RBM47: variants seen among roughly 807,000 people sequenced by gnomAD.
The protein encoded by RBM47 is RNA binding motif protein 47.
Under a neutral mutation model 47.1 loss-of-function variants are expected in RBM47, and 21 were observed. The observed-to-expected ratio is 0.45, with a 90% CI of 0.32 to 0.64. The LOEUF (loss-of-function observed/expected upper bound fraction) is 0.64. Ranked by LOEUF, RBM47 falls within the 30% of genes least tolerant of loss-of-function variation. RBM47 has a pLI of 0.05. For synonymous variants in RBM47, 375 were observed against 361.7 expected (o/e 1.04, Z -0.42); for missense variants, 708 against 870.9 (o/e 0.81, Z 2.35).
chr4:40,626,363 T>G (rs146434382), intron 1 of RBM47, among the ~76,000 whole-genome samples: 74 of 152,340 alleles, frequency 4.9e-4, no homozygotes, highest in African/African-American at 1.7e-3. Context: ...GATGATATCT[T>G]GAATTCATTC....
chr4:40,589,426 AT>A (rs1488354441), intron 1 of RBM47, among the ~76,000 whole-genome samples: 3 of 152,006 alleles, frequency 2.0e-5, no homozygotes, highest in South Asian at 4.1e-4. Flanking sequence ...TTATTTACTT[AT>A]TTTTTATTTT....
At chr4:40,472,630 A>G (rs1029306761) in intron 2 of RBM47, among the ~76,000 whole-genome samples, 4 of 152,140 alleles carry the variant, frequency 2.6e-5, no homozygotes, top group African/African-American at 9.7e-5. Context: ...ACTAAAATGA[A>G]AAAAATGGAA....
Position 40,438,120 on chromosome 4 carries a change from G to T in RBM47, c.774C>A (p.Thr258=). 6.2e-7 allele frequency: 1 copy of T among 1,613,414 alleles called. No individual in the cohort carries two copies. The highest frequency in any genetic ancestry group is 8.5e-7 in the Non-Finnish European group (1 of 1,180,020). The change falls in exon 4 of 7, where the codon ACC becomes ACA. Residue 258 remains threonine, a synonymous_variant. Coordinates refer to ENST00000295971, the MANE Select transcript of RBM47 (RefSeq NM_001098634.2). ...LYVRNLMIET[T]EDTIKKSFGQ... ...CGAAGCTCTTCTTGATGGTGTCCTC[G>T]GTGGTCTCGATCATGAGGTTGCGCA...
chr4:40,448,555 A>G (rs551055965), intron 3 of RBM47, among the ~76,000 whole-genome samples: 2 of 152,312 alleles, frequency 1.3e-5, no homozygotes, highest in Admixed American at 1.3e-4. Flanking sequence ...TCACGTCTTA[A>G]GCATGACCTA....
intron 3 of RBM47, among the ~76,000 whole-genome samples, chr4:40,449,403 C>A (rs1715061048): frequency 6.6e-6 from 1 of 152,192 alleles, no homozygotes; most frequent in Non-Finnish European, 1.5e-5. Flanking sequence ...CATAATGGGT[C>A]TTAATTGTGT....
At chr4:40,592,415 CT>C (rs1230299861) in intron 1 of RBM47, among the ~76,000 whole-genome samples, 23 of 136,884 alleles carry the variant, frequency 1.7e-4, no homozygotes, top group East Asian at 4.2e-4. Flanking sequence ...CTGGCTTAAT[CT>C]TTTTTTTTTC....
At chr4:40,511,544 G>A (rs1724930762) in intron 2 of RBM47, among the ~76,000 whole-genome samples, 1 of 152,144 alleles carries the variant, frequency 6.6e-6, no homozygotes, top group Non-Finnish European at 1.5e-5. Context: ...AGTTATTCAG[G>A]ACTTAATGTG....
upstream of RBM47, chr4:40,630,431 G>A (rs1039138068): frequency 6.6e-6 from 1 of 152,122 alleles, no homozygotes; most frequent in Non-Finnish European, 1.5e-5. Flanking sequence ...CCCGGGGAGA[G>A]CTCCCGGGGC....
intron 2 of RBM47, among the ~76,000 whole-genome samples, chr4:40,526,789 C>CTTTTTTT (rs540484622): frequency 1.6e-5 from 1 of 61,592 alleles, no homozygotes; most frequent in African/African-American, 6.7e-5. Context: ...CAGTTTGGTT[C>CTTTTTTT]TTTTTTTTTT....
At chr4:40,463,505 T>C (rs1717479906) in intron 3 of RBM47, among the ~76,000 whole-genome samples, 1 of 152,160 alleles carries the variant, frequency 6.6e-6, no homozygotes, top group Admixed American at 6.5e-5. Context: ...AAGTACCACA[T>C]GAGCCAGCAG....
chr4:40,554,028 C>T (rs1245633287), intron 1 of RBM47, among the ~76,000 whole-genome samples: 4 of 152,098 alleles, frequency 2.6e-5, no homozygotes, highest in African/African-American at 4.8e-5. Context: ...AAATGGTGAA[C>T]ATCAGGAGAC....
intron 1 of RBM47, among the ~76,000 whole-genome samples, chr4:40,577,414 C>CCTCA (rs2154270220): frequency 6.6e-6 from 1 of 152,168 alleles, no homozygotes; most frequent in Admixed American, 6.6e-5. Context: ...AAGGCTGCCA[C>CCTCA]CTCACACAGG....
At position 40,472,332 on chromosome 4, in the gene RBM47, T is replaced by C. The variant is rs137898396; in HGVS notation, c.-154-5633A>G. Among the ~76,000 whole-genome samples the C allele has an allele frequency of 2.0e-4, 30 of 152,298 alleles. No homozygotes were observed. In the East Asian group the frequency reaches 5.8e-3, roughly 29 times the overall value. On this transcript the variant is annotated intron_variant, in intron 2 of 6. Coordinates refer to ENST00000295971, the MANE Select transcript of RBM47 (RefSeq NM_001098634.2). ...GCTCATGCCTGTAATTTCAGCACTT[T>C]AGGAGGCCAAGGTGGGTGGATCACC...
intron 2 of RBM47, among the ~76,000 whole-genome samples, chr4:40,480,369 C>G (rs1217823557): frequency 6.6e-6 from 1 of 152,098 alleles, no homozygotes; most frequent in Non-Finnish European, 1.5e-5. Flanking sequence ...GGATTCAAAC[C>G]CAGGCATTCT....
chr4:40,623,761 CTT>C (rs1159621781), intron 1 of RBM47, among the ~76,000 whole-genome samples: 1 of 152,054 alleles, frequency 6.6e-6, no homozygotes, highest in Non-Finnish European at 1.5e-5. Context: ...AAAAAATGCA[CTT>C]TTTTCCTCCT....
intron 2 of RBM47, among the ~76,000 whole-genome samples, chr4:40,500,012 T>C (rs1464382254): frequency 6.6e-6 from 1 of 152,232 alleles, no homozygotes; most frequent in Non-Finnish European, 1.5e-5. Flanking sequence ...CTAACATATC[T>C]GGTTGTGACA....
rs534904660 is a variant in RBM47 at position 40,564,355 on chromosome 4, T to G, written c.-239-19849A>C. ...ATGGCAAAGCAGCTGCCAGTCTGGA[T>G]CTCCAAATGAGTTTATGAAGGTGAG... On this transcript the variant is annotated intron_variant, in intron 1 of 6. Transcript: ENST00000295971. Among the ~76,000 whole-genome samples, 3 of 152,296 alleles carry G rather than the reference T, an allele frequency of 2.0e-5. No homozygotes were observed. In the South Asian group the frequency reaches 6.2e-4, roughly 32 times the overall value.
chr4:40,585,103 G>A (rs761110780), intron 1 of RBM47, among the ~76,000 whole-genome samples: 143 of 152,222 alleles, frequency 9.4e-4, no homozygotes, highest in Admixed American at 1.9e-3. Context: ...GGGTCATTAA[G>A]TGAATACCTA....
chr4:40,540,658 AATAAT>A (rs1560456273), intron 2 of RBM47, among the ~76,000 whole-genome samples: 3 of 99,382 alleles, frequency 3.0e-5, no homozygotes, highest in African/African-American at 2.7e-4. Context: ...AAAAAATAAT[AATAAT>A]AATAATAATA....
Sources: gnomAD v4.1 joint callset for allele counts (sites outside exome capture counted in the v4.1 genomes callset) on GRCh38, gnomAD v4.1.1 for gene constraint, MANE v1.5 for transcripts, NCBI Gene and HGNC (gene_info 2026-07-23, HGNC 2026-07-21) for gene names.